TACC2: variants seen among roughly 807,000 people sequenced by gnomAD.
The protein encoded by TACC2 is transforming acidic coiled-coil containing protein 2.
TACC2 carries 137 observed loss-of-function variants against 227.3 expected under a neutral mutation model. The ratio of observed to expected loss-of-function variants is 0.60; its 90% confidence interval spans 0.52 to 0.69. TACC2 has a LOEUF of 0.69. Among genes scored for constraint, TACC2 ranks in the 30% least tolerant of loss-of-function variants. The pLI is 0.00. For missense variants in TACC2, 3,470 were observed against 3,694.4 expected (o/e 0.94, Z 1.57); for synonymous variants, 1,523 against 1,487.5 (o/e 1.02, Z -0.55).
chr10:122,210,649 C>A lies in TACC2; in HGVS notation c.6224C>A (p.Ser2075Tyr), dbSNP rs1425362468. The change falls in exon 9 of 23, where the codon TCC (serine) becomes TAC (tyrosine). Residue 2075 changes from serine (S) to tyrosine (Y), a missense_variant. By Grantham distance (144) the Ser-to-Tyr change is moderately radical. Transcript: ENST00000369005. This position sits in a 1 kb window ranked among gnomAD's most constrained non-coding sequence, Gnocchi z 4.6. ...AACACACGGAGGAAGTCCACGGATT[C>A]CGTCCCCATCTCTAAGTCTACACTG... ...KVNTRRKSTD[S>Y]VPISKSTLSR... The A allele has an allele frequency of 1.2e-6, 2 of 1,613,908 alleles. No individual in the cohort carries two copies. The highest frequency in any genetic ancestry group is 1.7e-6 in the Non-Finnish European group (2 of 1,180,018).
At chr10:122,200,613 A>G (rs2094767412) in intron 8 of TACC2, among the ~76,000 whole-genome samples, 1 of 148,860 alleles carries the variant, frequency 6.7e-6, no homozygotes, top group Non-Finnish European at 1.5e-5. Context: ...CCACATCTAC[A>G]GTGAGAGGAC....
chr10:122,048,088 G>A (rs1439888817), intron 2 of TACC2, among the ~76,000 whole-genome samples: 3 of 152,296 alleles, frequency 2.0e-5, no homozygotes, highest in African/African-American at 4.8e-5. Context: ...CAAGTCTGAC[G>A]GTCTCAAGAA....
chr10:122,008,264 A>ATTATTTTTT, intron 1 of TACC2, among the ~76,000 whole-genome samples: 2,405 of 134,532 alleles, frequency 0.018, 40 homozygotes, highest in African/African-American at 0.039. Flanking sequence ...TATTATTATT[A>ATTATTTTTT]TTTTTTTTTT....
At chr10:122,108,402 A>ATG (rs1283051518) in intron 5 of TACC2, among the ~76,000 whole-genome samples, 6 of 86,624 alleles carry the variant, frequency 6.9e-5, no homozygotes, top group East Asian at 3.4e-4. Flanking sequence ...CTCTCTCTCT[A>ATG]TGTGTGTGTG....
intron 3 of TACC2, among the ~76,000 whole-genome samples, chr10:122,064,254 T>A (rs1456198526): frequency 1.3e-5 from 2 of 152,172 alleles, no homozygotes; most frequent in South Asian, 4.1e-4. Context: ...CAGAACAGTT[T>A]TAGGTTACCG....
intron 7 of TACC2, among the ~76,000 whole-genome samples, chr10:122,170,290 G>A (rs1166904323): frequency 4.2e-5 from 2 of 47,674 alleles, no homozygotes; most frequent in African/African-American, 3.7e-4. Flanking sequence ...TTTTTTTTGA[G>A]GTGGAGTCTC....
chr10:122,173,123 GAGATTCCT>G (rs2093557993), intron 7 of TACC2, among the ~76,000 whole-genome samples: 1 of 152,180 alleles, frequency 6.6e-6, no homozygotes, highest in African/African-American at 2.4e-5. Flanking sequence ...CCTGACAGGT[GAGATTCCT>G]ACAGGGGTAA....
intron 8 of TACC2, among the ~76,000 whole-genome samples, chr10:122,197,884 G>A (rs963090788): frequency 6.6e-6 from 1 of 152,244 alleles, no homozygotes; most frequent in African/African-American, 2.4e-5. Flanking sequence ...CCAGCATGGG[G>A]CATTACGAAG....
At chr10:122,170,826 A>G (rs1231862142) in intron 7 of TACC2, among the ~76,000 whole-genome samples, 2 of 152,154 alleles carry the variant, frequency 1.3e-5, no homozygotes, top group African/African-American at 4.8e-5. Flanking sequence ...CTTTGAACAC[A>G]CAACACCGTC....
intron 7 of TACC2, among the ~76,000 whole-genome samples, chr10:122,149,065 C>G (rs1316452829): frequency 2.0e-5 from 3 of 152,218 alleles, no homozygotes; most frequent in Non-Finnish European, 4.4e-5. Flanking sequence ...GAGGCTGAAG[C>G]CAGGCGAGGG....
At chr10:122,088,418 T>C (rs1057450370) in intron 4 of TACC2, 60 bp from the exon 5 acceptor site, 3 of 1,429,402 alleles carry the variant, frequency 2.1e-6, no homozygotes, top group African/African-American at 2.9e-5. Context: ...CAATAGGACA[T>C]GAGGAGAAAT....
chr10:122,088,590 A>G lies in TACC2; in HGVS notation c.5572A>G (p.Ser1858Gly), dbSNP rs201272664. 2.6e-5 allele frequency: 42 copies of G among 1,612,050 alleles called. No individual in the cohort carries two copies. The highest frequency in any genetic ancestry group is 3.4e-5 in the Non-Finnish European group (40 of 1,179,080). Residue 1858 changes from serine to glycine, a missense_variant and splice_region_variant, in exon 5 of 23, where the codon AGT becomes GGT. Ser to Gly is a moderately conservative substitution (Grantham distance 56). This residue lies in a region of TACC2 where 1,924 missense variants were observed against 1,978.3 expected (regional missense o/e 0.97). Coordinates refer to ENST00000369005, the MANE Select transcript of TACC2 (RefSeq NM_206862.4). ...DETRGAEGTE[S>G]SPVADDIIQP... ...GACCAGAGGTGCGGAAGGAACAGAA[A>G]GGTCAGCGAAAGATATTGGTCTTTG...
intron 16 of TACC2, among the ~76,000 whole-genome samples, chr10:122,236,578 A>G (rs986901527): frequency 1.9e-5 from 1 of 51,312 alleles, no homozygotes; most frequent in South Asian, 1.2e-3. Context: ...GGGAAAAAGA[A>G]TAACCACAGA....
intron 1 of TACC2, among the ~76,000 whole-genome samples, chr10:122,011,256 G>C (rs1417058442): frequency 6.6e-6 from 1 of 152,152 alleles, no homozygotes; most frequent in South Asian, 2.1e-4. Context: ...AAGTGGGAAG[G>C]GTGCAGCCAA....
chr10:122,185,785 C>A (rs1468354021), intron 7 of TACC2, among the ~76,000 whole-genome samples: 3 of 152,174 alleles, frequency 2.0e-5, no homozygotes, highest in African/African-American at 7.2e-5. Flanking sequence ...TGTTAAGTGG[C>A]TTGTGAATAG....
intron 7 of TACC2, chr10:122,163,957 A>C: frequency 6.3e-7 from 1 of 1,589,294 alleles, no homozygotes; most frequent in South Asian, 1.2e-5. Flanking sequence ...AGCCAGCCCC[A>C]GCCAGCGACC....
chr10:122,132,067 A>AGGAAGGAAGGAAGGAAGGGAGG (rs57429902), intron 5 of TACC2, among the ~76,000 whole-genome samples: 1 of 28,812 alleles, frequency 3.5e-5, no homozygotes, highest in South Asian at 1.1e-3. Context: ...AAAGAAAGAA[A>AGGAAGGAAGGAAGGAAGGGAGG]AAGAAAGAAA....
At chr10:122,159,834 C>T (rs544586406) in intron 7 of TACC2, among the ~76,000 whole-genome samples, 11 of 152,216 alleles carry the variant, frequency 7.2e-5, no homozygotes, top group African/African-American at 2.2e-4. Context: ...ATTAGCAGCT[C>T]GGGGTCCATT....
intron 7 of TACC2, among the ~76,000 whole-genome samples, chr10:122,152,999 C>CTTTTTTTTTTTTTTTTTTTTTTT (rs150943859): frequency 2.2e-5 from 3 of 135,024 alleles, no homozygotes; most frequent in East Asian, 2.3e-4. Flanking sequence ...TTCTTTCTTT[C>CTTTTTTTTTTTTTTTTTTTTTTT]TTTTTTTTTT....
Sources: gnomAD v4.1 joint callset for allele counts (sites outside exome capture counted in the v4.1 genomes callset) on GRCh38, gnomAD v4.1.1 for gene constraint, gnomAD v4.1.1 regional missense constraint, Gnocchi (gnomAD v3.1) non-coding constraint, MANE v1.5 for transcripts, NCBI Gene and HGNC (gene_info 2026-07-23, HGNC 2026-07-21) for gene names.